The following TOM1L2 variants were observed in gnomAD, a reference collection of about 807,000 sequenced individuals.
The protein encoded by TOM1L2 is target of myb1 like 2 membrane trafficking protein.
A neutral mutation model predicts 67.9 loss-of-function variants in TOM1L2; 31 were observed. The ratio of observed to expected loss-of-function variants is 0.46; its 90% CI spans 0.34 to 0.62. The LOEUF is 0.62. TOM1L2 is among the 20% of genes least tolerant of loss of function. The pLI is 0.01. For missense variants in TOM1L2, 606 were observed against 663.5 expected (o/e 0.91, Z 0.95); for synonymous variants, 256 against 254.0 (o/e 1.01, Z -0.07).
At chr17:17,894,220 T>C (rs2038443292) in intron 3 of TOM1L2, among the ~76,000 whole-genome samples, 1 of 152,218 alleles carries the variant, frequency 6.6e-6, no homozygotes, top group African/African-American at 2.4e-5. Context: ...GAGGCTGCTA[T>C]GACAGCTTGA....
chr17:17,933,007 C>T (rs1162625587), intron 1 of TOM1L2, among the ~76,000 whole-genome samples: 1 of 152,054 alleles, frequency 6.6e-6, no homozygotes, highest in Non-Finnish European at 1.5e-5. Flanking sequence ...CAGCTGCAAG[C>T]AATTAAAAAA....
chr17:17,847,760 T>C lies in TOM1L2; in HGVS notation c.1399A>G (p.Arg467Gly). The change falls in exon 15 of 15, where the codon AGA becomes GGA. Residue 467 changes from arginine to glycine, a missense_variant. By Grantham distance (125) the Arg-to-Gly change is moderately radical. Around this residue, in one of 2 missense-constraint regions of TOM1L2, gnomAD observed 543 missense variants for 554.0 expected, o/e 0.98. Coordinates refer to ENST00000379504, the MANE Select transcript of TOM1L2 (RefSeq NM_001082968.2). ...SEEFDKFLEE[R>G]AKAAEMVPDL... is the part of the protein sequence containing the mutation. ...GGAACCATTTCAGCAGCTTTGGCTC[T>C]TTCTTCAAGGAATTTATCAAACTCT... is the stretch of plus-strand genomic sequence containing the variant. 2 of 1,614,108 alleles carry C rather than the reference T, an allele frequency of 1.2e-6. No homozygotes were observed. The highest frequency in any genetic ancestry group is 1.7e-6 in the Non-Finnish European group (2 of 1,180,004).
At chr17:17,919,817 C>T (rs1441261098) in intron 1 of TOM1L2, among the ~76,000 whole-genome samples, 1 of 152,138 alleles carries the variant, frequency 6.6e-6, no homozygotes, top group Non-Finnish European at 1.5e-5. Context: ...TGGTTTGAGC[C>T]AGGTTCTTGA....
chr17:17,877,920 C>T (rs992259241), intron 7 of TOM1L2, among the ~76,000 whole-genome samples: 7 of 151,888 alleles, frequency 4.6e-5, no homozygotes, highest in Non-Finnish European at 8.8e-5. Flanking sequence ...CCCCAAAACA[C>T]GAAGTATTCC....
At chr17:17,854,539 T>C (rs980054457) in intron 12 of TOM1L2, among the ~76,000 whole-genome samples, 1 of 152,070 alleles carries the variant, frequency 6.6e-6, no homozygotes. Context: ...AATTAATTTA[T>C]TTAGAGACAG....
chr17:17,857,554 G>A (rs1274832677), intron 12 of TOM1L2, among the ~76,000 whole-genome samples: 1 of 152,216 alleles, frequency 6.6e-6, no homozygotes, highest in African/African-American at 2.4e-5. Context: ...TAAGGCCTGG[G>A]GACAGGGAGG....
chr17:17,971,407 C>G (rs1466009304), intron 1 of TOM1L2, among the ~76,000 whole-genome samples: 2 of 152,122 alleles, frequency 1.3e-5, no homozygotes, highest in Non-Finnish European at 2.9e-5. Flanking sequence ...AACACAGCCT[C>G]CCTTCTTTCC....
At chr17:17,924,087 A>C (rs2039991975) in intron 1 of TOM1L2, among the ~76,000 whole-genome samples, 5 of 151,258 alleles carry the variant, frequency 3.3e-5, no homozygotes, top group African/African-American at 1.2e-4. Flanking sequence ...CAGTGAGCCG[A>C]GATCGCGCCA....
chr17:17,946,851 A>T (rs958772737), intron 1 of TOM1L2, among the ~76,000 whole-genome samples: 4 of 152,088 alleles, frequency 2.6e-5, no homozygotes, highest in African/African-American at 9.7e-5. Context: ...CAGCCTCCCA[A>T]GCAGCTGGGA....
chr17:17,966,734 T>C (rs1286526679), intron 1 of TOM1L2, among the ~76,000 whole-genome samples: 1 of 152,242 alleles, frequency 6.6e-6, no homozygotes, highest in East Asian at 1.9e-4. Flanking sequence ...GATTTCCTTA[T>C]GTGATACAGG....
intron 1 of TOM1L2, among the ~76,000 whole-genome samples, chr17:17,926,892 T>C (rs2144662713): frequency 2.0e-5 from 3 of 152,172 alleles, no homozygotes; most frequent in Admixed American, 2.0e-4. Flanking sequence ...AAAAGAAATG[T>C]AACCATATTT....
chr17:17,911,000 G>A (rs1339864666), intron 1 of TOM1L2, among the ~76,000 whole-genome samples: 3 of 152,208 alleles, frequency 2.0e-5, no homozygotes, highest in Non-Finnish European at 4.4e-5. Flanking sequence ...TGCTTCTGAA[G>A]TCACTATATT....
At chr17:17,856,797 T>C (rs560638344) in intron 12 of TOM1L2, among the ~76,000 whole-genome samples, 2 of 152,106 alleles carry the variant, frequency 1.3e-5, no homozygotes, top group Admixed American at 1.3e-4. Flanking sequence ...GAGCTGACCC[T>C]CTCTCCATGC....
At chr17:17,888,897 C>G (rs1032188412) in intron 4 of TOM1L2, among the ~76,000 whole-genome samples, 1 of 152,210 alleles carries the variant, frequency 6.6e-6, no homozygotes, top group African/African-American at 2.4e-5. Flanking sequence ...GCCAAAACAC[C>G]AGCCAAGGCA....
In TOM1L2 at chr17:17,946,676, G is replaced by A. The variant is rs1006999255; in HGVS notation, c.52+25586C>T. ...GCTCATGGGTGCAGAGGCTGCAGGA[G>A]GCCTGTTTTGCTCTCTAAACATCAG... On this transcript the variant is annotated intron_variant, in intron 1 of 14. Coordinates refer to ENST00000379504, the MANE Select transcript of TOM1L2 (RefSeq NM_001082968.2). Among the ~76,000 whole-genome samples the A allele has an allele frequency of 4.6e-5, 7 of 152,064 alleles. No homozygotes were observed. In the South Asian group the frequency reaches 1.2e-3, roughly 27 times the overall value.
In TOM1L2 at chr17:17,862,851, G is replaced by A. The variant is rs756922125; in HGVS notation, c.1085-3C>T. On this transcript the variant is annotated splice_region_variant and splice_polypyrimidine_tract_variant and intron_variant, in intron 10 of 14. Coordinates refer to ENST00000379504, the MANE Select transcript of TOM1L2 (RefSeq NM_001082968.2). ...ACTGACGCTCTCTGTCCCCAAGTCT[G>A]TGGCAACAAAACAAATGGGTGGCAG... is the stretch of plus-strand genomic sequence containing the variant. The A allele has an allele frequency of 7.4e-6, 12 of 1,613,150 alleles. No homozygotes were observed. The East Asian group carries it at 8.9e-5, about 12-fold the overall frequency.
intron 1 of TOM1L2, among the ~76,000 whole-genome samples, chr17:17,919,261 C>T (rs2039753942): frequency 6.6e-6 from 1 of 152,200 alleles, no homozygotes; most frequent in Non-Finnish European, 1.5e-5. Flanking sequence ...ATACAGAGGA[C>T]CTTTCCTTGC....
chr17:17,945,552 T>A (rs1229149496), intron 1 of TOM1L2, among the ~76,000 whole-genome samples: 6 of 152,196 alleles, frequency 3.9e-5, no homozygotes, highest in Non-Finnish European at 8.8e-5. Flanking sequence ...AGACCCACAT[T>A]ACATAGGATG....
intron 6 of TOM1L2, among the ~76,000 whole-genome samples, chr17:17,882,253 C>T (rs371317539): frequency 7.2e-5 from 11 of 152,202 alleles, no homozygotes; most frequent in African/African-American, 9.6e-5. Flanking sequence ...CTCAGCTGCA[C>T]GTCTATGCTT....
Sources: allele counts gnomAD v4.1 joint callset (sites outside exome capture counted in the v4.1 genomes callset), GRCh38; gene constraint gnomAD v4.1.1; regional missense constraint gnomAD v4.1.1; transcripts MANE v1.5; gene names NCBI Gene and HGNC (gene_info 2026-07-23, HGNC 2026-07-21).